Variants in ODF2 observed in about 807,000 individuals in gnomAD.
ODF2 encodes outer dense fiber protein 2.
Under a neutral mutation model 110.2 loss-of-function variants are expected in ODF2, and 47 were observed. That is an observed-to-expected ratio of 0.43 (90% confidence interval 0.34 to 0.54). ODF2 has a LOEUF of 0.54. ODF2 is among the 20% of genes least tolerant of loss of function. The pLI, the probability that ODF2 is intolerant of heterozygous loss-of-function variation, is 0.03. For synonymous variants in ODF2, 352 were observed against 397.7 expected, an observed-to-expected ratio of 0.89 and a Z score of 1.37; for missense variants, 812 against 1,054.5, an observed-to-expected ratio of 0.77 and a Z score of 3.19.
intron 16 of ODF2, among the ~76,000 whole-genome samples, chr9:128,493,883 C>T (rs1338042037): frequency 1.3e-5 from 2 of 152,174 alleles, no homozygotes; most frequent in African/African-American, 4.8e-5. Flanking sequence ...CAACCTCCAC[C>T]TCCCGGGTTC....
intron 6 of ODF2, 50 bp from the exon 7 acceptor site, chr9:128,472,862 TG>T (rs746646872): frequency 1.9e-6 from 3 of 1,610,036 alleles, no homozygotes; most frequent in Non-Finnish European, 2.5e-6. Context: ...CTTGGATCTC[TG>T]GGCATGCGGG....
exon 5 of ODF2, chr9:128,469,288 A>G (rs1171162456): frequency 1.9e-5 from 31 of 1,614,064 alleles, no homozygotes; most frequent in Non-Finnish European, 2.5e-5. Context: ...AGGTCACTGT[A>G]AAATGAACCG....
At chr9:128,471,533 G>A (rs1458807208) in intron 6 of ODF2, 65 bp downstream of exon 6, 1 of 1,543,636 alleles carries the variant, frequency 6.5e-7, no homozygotes, top group East Asian at 2.3e-5. Flanking sequence ...TTGAGCCCTG[G>A]GCAATAATGG....
At position 128,460,556 on chromosome 9, in the gene ODF2, A is replaced by G; in HGVS notation, c.124-386A>G. On this transcript the variant is annotated intron_variant, in intron 3 of 20. Coordinates refer to ENST00000604420, the Ensembl canonical transcript of ODF2. ...GTCCTCCCCCACCTGCCAGAAGCCA[A>G]CCATGAAGGACCGCTCTTCAACTCC... 1 of 1,613,814 alleles carries G rather than the reference A, an allele frequency of 6.2e-7. No homozygotes were observed. The highest frequency in any genetic ancestry group is 1.1e-5 in the South Asian group (1 of 91,076).
intron 1 of ODF2, chr9:128,456,558 G>A (rs1362541934): frequency 6.5e-7 from 1 of 1,527,104 alleles, no homozygotes; most frequent in South Asian, 1.2e-5. Flanking sequence ...GGCAGAAACC[G>A]GTACCCTCCT....
At chr9:128,499,572 G>C (rs574991274) in intron 20 of ODF2, among the ~76,000 whole-genome samples, 2 of 152,172 alleles carry the variant, frequency 1.3e-5, no homozygotes, top group South Asian at 4.2e-4. Context: ...TGGGATTACA[G>C]GTGTGAGCCA....
Position 128,498,591 on chromosome 9 carries a change from A to G in ODF2, c.2175+16A>G, listed in dbSNP as rs755411443. 3.6e-6 allele frequency: 5 copies of G among 1,387,040 alleles called. No individual in the cohort carries two copies. The East Asian group carries it at 7.0e-5, about 19-fold the overall frequency. The allele number at this position is 1,387,040 out of a possible 1,614,324, so 85.9% of individuals were successfully genotyped here. On this transcript the variant is annotated intron_variant, in intron 19 of 20. Coordinates refer to ENST00000604420, the Ensembl canonical transcript of ODF2. ...GAGGAGGCAGGTCAGTCCCGATTTC[A>G]TGAATGACTAGCTCTGTGACCTTGG...
At chr9:128,456,476 C>T in intron 1 of ODF2, 1 of 1,523,130 alleles carries the variant, frequency 6.6e-7, no homozygotes, top group Non-Finnish European at 8.8e-7. Context: ...CCGCCTCCTT[C>T]CTCTCTTGGC....
At chr9:128,495,923 G>C (rs2132285249) in intron 17 of ODF2, 118 bp from the exon 18 acceptor site, 2 of 1,194,900 alleles carry the variant, frequency 1.7e-6, no homozygotes, top group African/African-American at 3.0e-5. Context: ...GTTGAGACTT[G>C]GACACCTGCT....
At chr9:128,480,757 C>A (rs1285960951) in intron 8 of ODF2, among the ~76,000 whole-genome samples, 1 of 152,100 alleles carries the variant, frequency 6.6e-6, no homozygotes, top group East Asian at 1.9e-4. Context: ...GCAGAGGTTG[C>A]AGTGAGCCGA....
At chr9:128,473,285 G>A in intron 7 of ODF2, 1 of 980,462 alleles carries the variant, frequency 1.0e-6, no homozygotes, top group Non-Finnish European at 1.2e-6. Flanking sequence ...ATCACAGTGA[G>A]TCAAGGCATG....
intron 1 of ODF2, 56 bp downstream of exon 1, chr9:128,456,311 C>A: frequency 1.3e-6 from 2 of 1,487,288 alleles, no homozygotes; most frequent in African/African-American, 3.0e-5. Context: ...GCGGGCGAGA[C>A]CGTCGCCTTC....
intron 1 of ODF2, chr9:128,457,186 C>T: frequency 2.6e-6 from 4 of 1,536,572 alleles, no homozygotes; most frequent in Non-Finnish European, 3.5e-6. Flanking sequence ...CTATTTCCCC[C>T]TACTTTGGCA....
intron 20 of ODF2, among the ~76,000 whole-genome samples, chr9:128,499,503 C>T (rs1339328046): frequency 6.6e-6 from 1 of 152,136 alleles, no homozygotes; most frequent in Non-Finnish European, 1.5e-5. Flanking sequence ...CCATGTTGGC[C>T]AGGCTGGTCT....
At chr9:128,498,219 T>C in intron 18 of ODF2, 194 bp from the exon 19 acceptor site, 1 of 724,816 alleles carries the variant, frequency 1.4e-6, no homozygotes, top group East Asian at 3.3e-5. Context: ...CTCTGTTCTC[T>C]AACCAGTTGC....
chr9:128,478,917 C>T (rs1300377974), intron 8 of ODF2, among the ~76,000 whole-genome samples: 2 of 152,160 alleles, frequency 1.3e-5, no homozygotes, highest in Non-Finnish European at 2.9e-5. Context: ...GCCTTCACTT[C>T]TCCCAGCCTT....
intron 15 of ODF2, 78 bp downstream of exon 15, chr9:128,492,614 C>A: frequency 6.6e-7 from 1 of 1,518,026 alleles, no homozygotes; most frequent in Non-Finnish European, 9.1e-7. Flanking sequence ...CCTACCAGGC[C>A]ACTCCCAGGG....
chr9:128,487,655 T>C (rs1262070300), intron 13 of ODF2, among the ~76,000 whole-genome samples: 5 of 151,710 alleles, frequency 3.3e-5, no homozygotes, highest in Non-Finnish European at 5.9e-5. Flanking sequence ...GGCGTGGCGG[T>C]GGGCGCCTGT....
At chr9:128,464,414 A>C (rs994118886) in intron 4 of ODF2, among the ~76,000 whole-genome samples, 3 of 152,280 alleles carry the variant, frequency 2.0e-5, no homozygotes, top group Non-Finnish European at 4.4e-5. Context: ...TTGGCCTCCC[A>C]AAGTGCTGGG....
Sources: allele counts gnomAD v4.1 joint callset (sites outside exome capture counted in the v4.1 genomes callset), GRCh38; gene constraint gnomAD v4.1.1; transcripts MANE v1.5; gene names NCBI Gene and HGNC (gene_info 2026-07-23, HGNC 2026-07-21).